RPS6KC1: variants seen among roughly 807,000 people sequenced by gnomAD.
RPS6KC1 encodes ribosomal protein S6 kinase C1.
Under a neutral mutation model 103.8 loss-of-function variants are expected in RPS6KC1, and 54 were observed. The observed-to-expected ratio is 0.52, with a 90% CI of 0.42 to 0.65. The LOEUF (loss-of-function observed/expected upper bound fraction) is 0.65. Ranked by LOEUF, RPS6KC1 falls within the 30% of genes least tolerant of loss-of-function variation. The pLI, the probability that RPS6KC1 is intolerant of heterozygous loss-of-function variation, is 0.00. For synonymous variants in RPS6KC1, 439 were observed against 438.7 expected (o/e 1.00, Z -0.01); for missense variants, 1,151 against 1,253.8 (o/e 0.92, Z 1.24).
chr1:213,566,144 A>G, the RPS6KC1 span, among the ~76,000 whole-genome samples: 2 of 152,184 alleles, frequency 1.3e-5, no homozygotes, highest in Non-Finnish European at 2.9e-5. Context: ...GGAGTAAAAT[A>G]TTATTGGTAG....
At chr1:213,757,999 CT>C in the RPS6KC1 span, among the ~76,000 whole-genome samples, 2 of 152,282 alleles carry the variant, frequency 1.3e-5, no homozygotes, top group East Asian at 3.9e-4. Context: ...TTGAGACCTA[CT>C]TTTTAGAATA....
At chr1:213,432,210 A>G in the RPS6KC1 span, among the ~76,000 whole-genome samples, 6,726 of 152,264 alleles carry the variant, frequency 0.044, 164 homozygotes, top group African/African-American at 0.06. Flanking sequence ...TACTATTTAC[A>G]TAGCAAATAT....
At chr1:213,861,344 C>A in the RPS6KC1 span, among the ~76,000 whole-genome samples, 1 of 152,024 alleles carries the variant, frequency 6.6e-6, no homozygotes, top group Non-Finnish European at 1.5e-5. Context: ...GGGAGAAGGC[C>A]CCCACACCTT....
chr1:213,493,873 C>T, the RPS6KC1 span, among the ~76,000 whole-genome samples: 2 of 150,662 alleles, frequency 1.3e-5, no homozygotes, highest in Non-Finnish European at 3.0e-5. Context: ...ATGCCATGTC[C>T]TACATTGTTT....
the RPS6KC1 span, among the ~76,000 whole-genome samples, chr1:213,390,470 G>C: frequency 6.6e-6 from 1 of 152,354 alleles, no homozygotes; most frequent in African/African-American, 2.4e-5. Context: ...TGCTAACCAT[G>C]TAGGCACGAG....
At chr1:213,410,015 A>G in the RPS6KC1 span, among the ~76,000 whole-genome samples, 1 of 152,190 alleles carries the variant, frequency 6.6e-6, no homozygotes, top group African/African-American at 2.4e-5. Flanking sequence ...ATTAAAAAGT[A>G]CTAGCCAAGT....
chr1:213,072,527 A>C (rs1013271633), intron 2 of RPS6KC1, among the ~76,000 whole-genome samples: 2 of 151,644 alleles, frequency 1.3e-5, no homozygotes, highest in Non-Finnish European at 2.9e-5. Context: ...CAGCCTGAGC[A>C]ACAGAGTGAG....
At chr1:213,402,958 C>CAAAAAAAA in the RPS6KC1 span, among the ~76,000 whole-genome samples, 28 of 111,510 alleles carry the variant, frequency 2.5e-4, no homozygotes, top group Non-Finnish European at 3.2e-4. Flanking sequence ...ACTAAAAATA[C>CAAAAAAAA]AAAAAAAAAA....
chr1:213,242,543 G>T (rs2094380189), intron 11 of RPS6KC1, 26 bp from the exon 12 acceptor site: 1 of 1,570,556 alleles, frequency 6.4e-7, no homozygotes, highest in South Asian at 1.1e-5. Context: ...AAAATGTTTT[G>T]ATTTCTCCTG....
the RPS6KC1 span, among the ~76,000 whole-genome samples, chr1:213,616,636 C>T: frequency 1.8e-4 from 28 of 152,318 alleles, no homozygotes; most frequent in South Asian, 5.8e-3. Context: ...CATAGTGAGA[C>T]CCTGTCTCTA....
At chr1:213,061,200 A>T (rs1239752665) in intron 1 of RPS6KC1, among the ~76,000 whole-genome samples, 2 of 152,228 alleles carry the variant, frequency 1.3e-5, no homozygotes, top group African/African-American at 4.8e-5. Flanking sequence ...ATGAAATTCA[A>T]TATGAATTTT....
At chr1:213,283,989 A>G in the RPS6KC1 span, among the ~76,000 whole-genome samples, 211 of 152,320 alleles carry the variant, frequency 1.4e-3, 1 homozygote, top group African/African-American at 4.7e-3. Context: ...AGATAACAAA[A>G]AAGAGAAATA....
the RPS6KC1 span, among the ~76,000 whole-genome samples, chr1:213,535,455 T>G: frequency 6.6e-6 from 1 of 152,220 alleles, no homozygotes; most frequent in Non-Finnish European, 1.5e-5. Context: ...TCTAGAGACA[T>G]GTATTCATCA....
intron 6 of RPS6KC1, among the ~76,000 whole-genome samples, chr1:213,145,635 A>G (rs1174980637): frequency 6.6e-6 from 1 of 152,160 alleles, no homozygotes; most frequent in Non-Finnish European, 1.5e-5. Context: ...GGCATTAGGT[A>G]GAATACATAG....
At chr1:213,619,371 G>A in the RPS6KC1 span, among the ~76,000 whole-genome samples, 20 of 152,114 alleles carry the variant, frequency 1.3e-4, no homozygotes, top group Admixed American at 4.6e-4. Flanking sequence ...TTACATTTCC[G>A]AACCAGGTTA....
the RPS6KC1 span, among the ~76,000 whole-genome samples, chr1:213,808,579 C>T: frequency 0.14 from 21,662 of 152,230 alleles, 2,224 homozygotes; most frequent in African/African-American, 0.29. Flanking sequence ...TAGGACCCTC[C>T]GAGCCAGGTG....
chr1:213,116,614 T>A (rs2083661673), intron 4 of RPS6KC1, among the ~76,000 whole-genome samples: 2 of 151,410 alleles, frequency 1.3e-5, no homozygotes, highest in Admixed American at 6.6e-5. Flanking sequence ...GCTGGTTATT[T>A]TGCTCGTTAG....
At chr1:213,165,097 T>TC (rs201354701) in intron 6 of RPS6KC1, among the ~76,000 whole-genome samples, 1 of 152,138 alleles carries the variant, frequency 6.6e-6, no homozygotes, top group Non-Finnish European at 1.5e-5. Flanking sequence ...TTTTTTTTTT[T>TC]CTGGTACTGA....
chr1:213,074,873 T>A (rs1028808134), intron 2 of RPS6KC1, among the ~76,000 whole-genome samples: 5 of 139,906 alleles, frequency 3.6e-5, no homozygotes, highest in African/African-American at 1.4e-4. Context: ...TTTTTTTTTT[T>A]ACGGAGTCTC....
Sources: allele counts gnomAD v4.1 joint callset (sites outside exome capture counted in the v4.1 genomes callset), GRCh38; gene constraint gnomAD v4.1.1; transcripts MANE v1.5; gene names NCBI Gene and HGNC (gene_info 2026-07-23, HGNC 2026-07-21).